The following BPIFB4 variants were observed in gnomAD, a reference collection of about 807,000 sequenced individuals.
The protein encoded by BPIFB4 is BPI fold containing family B member 4.
In BPIFB4, 62 loss-of-function variants were observed where a neutral mutation model predicts 69.2. The observed-to-expected ratio is 0.90, with a 90% CI of 0.73 to 1.11. BPIFB4 has a LOEUF of 1.11. Ranked by LOEUF, BPIFB4 falls within the 50% of genes least tolerant of loss-of-function variation. The probability of loss-of-function intolerance (pLI) is 0.00; values close to 1 mark genes in which losing one functional copy is unlikely to be tolerated. For synonymous variants in BPIFB4, 330 were observed against 332.7 expected (o/e 0.99, Z 0.09); for missense variants, 789 against 792.0 (o/e 1.00, Z 0.04).
At position 33,097,637 on chromosome 20, in the gene BPIFB4, G is replaced by A. The variant is rs1981792094; in HGVS notation, c.1419G>A (p.Glu473=). 1 of 1,613,956 alleles carries A rather than the reference G, an allele frequency of 6.2e-7. No homozygotes were observed. Among genetic ancestry groups the A allele is most frequent in the African/African-American group, 1.3e-5 (1 of 74,916 alleles). ...CACAGGTGTTCCAGCAGTACCCCGA[G>A]TCCTGCCCACTTATCATCAGGATCC... ...LIPKVFQQYP[E]SCPLIIRIQV... The change falls in exon 13 of 18, where the codon GAG becomes GAA. Residue 473 remains glutamate, a synonymous_variant. Coordinates refer to ENST00000375483, the MANE Select transcript of BPIFB4 (RefSeq NM_182519.3).
intron 12 of BPIFB4, 97 bp from the exon 13 acceptor site, chr20:33,097,520 G>A (rs1266658957): frequency 1.5e-6 from 2 of 1,325,682 alleles, no homozygotes; most frequent in African/African-American, 2.9e-5. Flanking sequence ...CAAGCAACAT[G>A]AGACCCCGGT....
At chr20:33,103,931 G>A (rs959237410) in intron 15 of BPIFB4, among the ~76,000 whole-genome samples, 3 of 152,206 alleles carry the variant, frequency 2.0e-5, no homozygotes, top group East Asian at 1.9e-4. Context: ...TGAAGCTATC[G>A]AGATGGGCCC....
chr20:33,095,567 C>T (rs1019603751), intron 12 of BPIFB4, among the ~76,000 whole-genome samples: 1 of 152,184 alleles, frequency 6.6e-6, no homozygotes, highest in African/African-American at 2.4e-5. Context: ...GGGCCAGGCA[C>T]ACTCGGGTGC....
chr20:33,105,491 C>T (rs73106192), intron 16 of BPIFB4, among the ~76,000 whole-genome samples: 75 of 152,254 alleles, frequency 4.9e-4, no homozygotes, highest in Non-Finnish European at 8.8e-4. Context: ...GCTTGCTTTG[C>T]TCTCTGGGGC....
Position 33,103,014 on chromosome 20 carries a change from T to G in BPIFB4, c.1680T>G (p.Asp560Glu). The G allele has an allele frequency of 6.2e-7, 1 of 1,613,842 alleles. No homozygotes were observed. The highest frequency in any genetic ancestry group is 1.6e-4 in the Middle Eastern group (1 of 6,062). ...GAACCTCAAACGTGGGCAACTTTGA[T>G]GTAAGTACCATGTTTAGTTCCCAGG... is the stretch of plus-strand genomic sequence containing the variant. ...NLRTSNVGNF[D>E]IGLMEVLVEK... Residue 560 changes from aspartate to glutamate, a missense_variant and splice_region_variant, in exon 15 of 18, where the codon GAT (aspartate) becomes GAG (glutamate). Coordinates refer to ENST00000375483, the MANE Select transcript of BPIFB4 (RefSeq NM_182519.3).
chr20:33,099,504 G>A (rs886962979), intron 13 of BPIFB4, among the ~76,000 whole-genome samples: 9 of 152,238 alleles, frequency 5.9e-5, no homozygotes, highest in South Asian at 2.1e-4. Context: ...CCTCCCCAGC[G>A]CACAGCTCTG....
chr20:33,091,558 C>G (rs922420316), intron 10 of BPIFB4, among the ~76,000 whole-genome samples: 2 of 152,260 alleles, frequency 1.3e-5, no homozygotes, highest in African/African-American at 2.4e-5. Flanking sequence ...CATCCGTGCT[C>G]CCGTGTATAC....
chr20:33,100,101 A>C (rs1031785293), intron 13 of BPIFB4, among the ~76,000 whole-genome samples: 2 of 152,094 alleles, frequency 1.3e-5, no homozygotes, highest in African/African-American at 4.8e-5. Flanking sequence ...CCCTCTATAA[A>C]TCATGGGGAT....
At chr20:33,104,225 C>T (rs1184990632) in intron 15 of BPIFB4, among the ~76,000 whole-genome samples, 1 of 152,210 alleles carries the variant, frequency 6.6e-6, no homozygotes. Flanking sequence ...CTCCTGTTTT[C>T]AGATGTGGAA....
In BPIFB4 at chr20:33,083,257, G is replaced by A; in HGVS notation, c.170-110G>A. The A allele has an allele frequency of 3.0e-5, 29 of 970,922 alleles. No homozygotes were observed. The South Asian group carries it at 4.3e-4, about 14-fold the overall frequency. The allele number at this position is 970,922 out of a possible 1,614,324, so 60.1% of individuals were successfully genotyped here. On this transcript the variant is annotated intron_variant, in intron 4 of 17. Coordinates refer to ENST00000375483, the MANE Select transcript of BPIFB4 (RefSeq NM_182519.3). ...GGGGGCTGCTGGGTGGCAGTGGTGGGGGGTTGCTGGGTGGCAGTAGAGGGG... is the reference window on the plus strand; with the variant it reads ...GGGGGCTGCTGGGTGGCAGTGGTGGAGGGTTGCTGGGTGGCAGTAGAGGGG...
intron 16 of BPIFB4, among the ~76,000 whole-genome samples, chr20:33,107,243 A>G (rs571969873): frequency 4.8e-5 from 5 of 105,208 alleles, no homozygotes; most frequent in South Asian, 3.1e-4. Flanking sequence ...GGAAGGAAAG[A>G]AAAGAAAAGA....
intron 5 of BPIFB4, 62 bp downstream of exon 5, chr20:33,083,936 T>TC (rs1981340140): frequency 6.6e-7 from 1 of 1,507,352 alleles, no homozygotes; most frequent in Admixed American, 2.2e-5. Flanking sequence ...GGGTGATCAC[T>TC]CCCTGAAGCT....
chr20:33,080,156 T>C (rs1443246015), intron 1 of BPIFB4, among the ~76,000 whole-genome samples: 3 of 151,560 alleles, frequency 2.0e-5, no homozygotes, highest in Admixed American at 6.6e-5. Flanking sequence ...CCTCTAATAT[T>C]CTTCTGGGAG....
Position 33,104,809 on chromosome 20 carries a change from G to C in BPIFB4, c.1681-1G>C, listed in dbSNP as rs1568588533. On this transcript the variant is annotated splice_acceptor_variant, in intron 15 of 17. Coordinates refer to ENST00000375483, the MANE Select transcript of BPIFB4 (RefSeq NM_182519.3). LOFTEE classifies it high-confidence loss of function. Reference sequence around the variant, plus strand: ...GCTCTGTCCTCCTTCTTCCTCTGCAGATTGGCCTCATGGAGGTGCTGGTGG... The same window carrying C: ...GCTCTGTCCTCCTTCTTCCTCTGCACATTGGCCTCATGGAGGTGCTGGTGG... The C allele has an allele frequency of 6.2e-7, 1 of 1,614,098 alleles. No homozygotes were observed. The highest frequency in any genetic ancestry group is 2.2e-5 in the East Asian group (1 of 44,876).
chr20:33,104,824 G>C lies in BPIFB4; in HGVS notation c.1695G>C (p.Glu565Asp). Residue 565 changes from glutamate (E) to aspartate (D), a missense_variant, in exon 16 of 18, where the codon GAG (glutamate) becomes GAC (aspartate). Transcript: ENST00000375483. ...NVGNFDIGLM[E>D]VLVEKIFDLA... Reference sequence around the variant, plus strand: ...TTCCTCTGCAGATTGGCCTCATGGAGGTGCTGGTGGAGAAGATTTTTGACC... The same window carrying C: ...TTCCTCTGCAGATTGGCCTCATGGACGTGCTGGTGGAGAAGATTTTTGACC... The C allele has an allele frequency of 6.2e-7, 1 of 1,614,154 alleles. No homozygotes were observed. Among genetic ancestry groups the C allele is most frequent in the Non-Finnish European group, 8.5e-7 (1 of 1,180,008 alleles).
chr20:33,090,690 C>A lies in BPIFB4; in HGVS notation c.1052-18C>A, dbSNP rs765038976. 1 of 1,613,328 alleles carries A rather than the reference C, an allele frequency of 6.2e-7. No individual in the cohort carries two copies. Among genetic ancestry groups the A allele is most frequent in the South Asian group, 1.1e-5 (1 of 91,018 alleles). ...GATGGTGAGGGGACCTCCCTGTGAC[C>A]CTCTCCTTTGCCTGCAGCTCTGATT... is the stretch of plus-strand genomic sequence containing the variant. On this transcript the variant is annotated intron_variant, in intron 9 of 17. Coordinates refer to ENST00000375483, the MANE Select transcript of BPIFB4 (RefSeq NM_182519.3).
At chr20:33,085,964 G>C (rs1487640252) in intron 6 of BPIFB4, 57 bp from the exon 7 acceptor site, 1 of 1,558,800 alleles carries the variant, frequency 6.4e-7, no homozygotes, top group Non-Finnish European at 8.8e-7. Context: ...GGGTAAGGGT[G>C]AGCTCCTGGC....
At position 33,097,891 on chromosome 20, in the gene BPIFB4, T is replaced by A. The variant is rs911335424; in HGVS notation, c.1569+104T>A. Reference sequence around the variant, plus strand: ...CTTCAAATCCCCTCAATCTCCACCATCATGACTATGGGCCCAACTTTGGGG... The same window carrying A: ...CTTCAAATCCCCTCAATCTCCACCAACATGACTATGGGCCCAACTTTGGGG... On this transcript the variant is annotated intron_variant, in intron 13 of 17. Coordinates refer to ENST00000375483, the MANE Select transcript of BPIFB4 (RefSeq NM_182519.3). 1.7e-5 allele frequency: 22 copies of A among 1,266,874 alleles called. No individual in the cohort carries two copies. In the African/African-American group the frequency reaches 2.4e-4, roughly 14 times the overall value. The allele number at this position is 1,266,874 out of a possible 1,614,324, so 78.5% of individuals were successfully genotyped here. A position where few individuals can be genotyped will look rare whatever the true frequency, so the allele number is the denominator to read the frequency against.
intron 13 of BPIFB4, among the ~76,000 whole-genome samples, chr20:33,098,744 CA>C (rs11331998): frequency 0.34 from 36,360 of 107,300 alleles, 4,839 homozygotes; most frequent in Middle Eastern, 0.43. Context: ...GACTCCATCT[CA>C]AAAAAAAAAA....
Sources: allele counts gnomAD v4.1 joint callset (sites outside exome capture counted in the v4.1 genomes callset), GRCh38; gene constraint gnomAD v4.1.1; transcripts MANE v1.5; gene names NCBI Gene and HGNC (gene_info 2026-07-23, HGNC 2026-07-21).